The following CD99L2 variants were observed in gnomAD, a reference collection of about 807,000 sequenced individuals.
CD99L2 encodes the protein CD99 antigen-like protein 2.
CD99L2 carries 24 observed loss-of-function variants against 27.3 expected under a neutral mutation model. The ratio of observed to expected loss-of-function variants is 0.88; its 90% CI spans 0.64 to 1.24. The LOEUF (loss-of-function observed/expected upper bound fraction) is 1.24. CD99L2 is among the 50% of genes most tolerant of loss of function. The pLI is 0.00. For synonymous variants in CD99L2, 97 were observed against 87.9 expected (o/e 1.10, Z -0.58); for missense variants, 255 against 221.6 (o/e 1.15, Z -0.96).
intron 1 of CD99L2, among the ~76,000 whole-genome samples, chrX:150,860,912 C>T (rs1321697281): frequency 1.3e-4 from 14 of 109,615 alleles, no homozygotes; most frequent in African/African-American, 4.0e-4. Flanking sequence ...CTTTGGGAGG[C>T]GGGTGGATCA....
At chrX:150,824,399 GAAAGAAGAAGA>G (rs1425057911) in intron 2 of CD99L2, among the ~76,000 whole-genome samples, 13 of 93,326 alleles carry the variant, frequency 1.4e-4, no homozygotes, top group African/African-American at 3.6e-4. Flanking sequence ...AGAAGAAGAA[GAAAGAAGAAGA>G]AAAGAAGAAG....
At chrX:150,769,866 G>T (rs1305780150) in intron 10 of CD99L2, among the ~76,000 whole-genome samples, 3 of 113,229 alleles carry the variant, frequency 2.6e-5, no homozygotes, top group Admixed American at 9.3e-5. Flanking sequence ...CACAGAAGGG[G>T]GAGGGAGGGG....
At chrX:150,885,835 C>A (rs900012064) in intron 1 of CD99L2, among the ~76,000 whole-genome samples, 1 of 112,385 alleles carries the variant, frequency 8.9e-6, no homozygotes, top group African/African-American at 3.2e-5. Context: ...GCTCATTTTG[C>A]TGTTTATTCT....
intron 4 of CD99L2, among the ~76,000 whole-genome samples, chrX:150,801,835 G>T (rs1272377323): frequency 2.7e-5 from 3 of 111,187 alleles, no homozygotes; most frequent in Non-Finnish European, 5.7e-5. Flanking sequence ...CAATGGACAT[G>T]AAAAAATCTA....
At position 150,829,010 on chromosome X, in the gene CD99L2, A is replaced by C. The variant is rs1482865427; in HGVS notation, c.130+2221T>G. The C allele has an allele frequency of 4.5e-5, 5 of 111,046 alleles. No homozygotes were observed. The Admixed American group carries it at 4.8e-4, about 11-fold the overall frequency. The allele number at this position is 111,046 out of a possible 1,213,427, so 9.2% of individuals were successfully genotyped here. On this transcript the variant is annotated intron_variant, in intron 2 of 10. Coordinates refer to ENST00000370377, the MANE Select transcript of CD99L2 (RefSeq NM_031462.4). ...GGCAATACAGGTCATGGCCAAATCC[A>C]CACTACTGGAACGCTGGCTCCACAA... is the stretch of plus-strand genomic sequence containing the variant.
At chrX:150,871,445 T>C (rs781839842) in intron 1 of CD99L2, among the ~76,000 whole-genome samples, 29 of 111,521 alleles carry the variant, frequency 2.6e-4, no homozygotes, top group Non-Finnish European at 5.3e-4. Context: ...GTTGATAAGA[T>C]TGGAATGACA....
intron 6 of CD99L2, among the ~76,000 whole-genome samples, chrX:150,794,409 G>C (rs183260289): frequency 8.9e-6 from 1 of 111,892 alleles, no homozygotes; most frequent in Non-Finnish European, 1.9e-5. Flanking sequence ...CCTCAACTCC[G>C]GACCAAAGGA....
chrX:150,848,119 C>CCT (rs1557421508), intron 1 of CD99L2, among the ~76,000 whole-genome samples: 3 of 107,339 alleles, frequency 2.8e-5, no homozygotes, highest in Admixed American at 2.0e-4. Flanking sequence ...AGGCCCCCCC[C>CCT]CCCTTGTACT....
At position 150,768,415 on chromosome X, in the gene CD99L2, C is replaced by T. The variant is rs782745882; in HGVS notation, c.*619G>A. 1.1e-4 allele frequency: 12 copies of T among 112,942 alleles called. No homozygotes were observed. The highest frequency in any genetic ancestry group is 3.6e-4 in the South Asian group (1 of 2,764). The allele number at this position is 112,942 out of a possible 1,213,427, so 9.3% of individuals were successfully genotyped here. ...TTGTACTTAAATCACTGAAAGCCTCCGCTTGGACCGGCTCTCCGGAAGCCC... is the reference window on the plus strand; with the variant it reads ...TTGTACTTAAATCACTGAAAGCCTCTGCTTGGACCGGCTCTCCGGAAGCCC... On this transcript the variant is annotated 3_prime_UTR_variant, in exon 11 of 11. Coordinates refer to ENST00000370377, the MANE Select transcript of CD99L2 (RefSeq NM_031462.4).
At chrX:150,769,654 C>CG (rs2043382717) in intron 10 of CD99L2, among the ~76,000 whole-genome samples, 1 of 108,291 alleles carries the variant, frequency 9.2e-6, no homozygotes, top group South Asian at 3.7e-4. Context: ...CAACACTCGC[C>CG]TGAGCTGTCC....
At chrX:150,827,258 T>A (rs2046380922) in intron 2 of CD99L2, among the ~76,000 whole-genome samples, 1 of 110,433 alleles carries the variant, frequency 9.1e-6, no homozygotes, top group African/African-American at 3.3e-5. Flanking sequence ...CAAGGTGAGG[T>A]GGAGAGGCCT....
intron 1 of CD99L2, among the ~76,000 whole-genome samples, chrX:150,878,076 G>A (rs1557422373): frequency 4.6e-5 from 5 of 108,180 alleles, no homozygotes; most frequent in Non-Finnish European, 7.7e-5. Context: ...AGTGGCTCAC[G>A]CTTGTAATCC....
chrX:150,797,361 T>C (rs1434519440), intron 4 of CD99L2, among the ~76,000 whole-genome samples: 6 of 112,351 alleles, frequency 5.3e-5, no homozygotes, highest in African/African-American at 1.9e-4. Context: ...TGGAATAATA[T>C]GAACATTTTT....
At chrX:150,782,815 T>A (rs1398368680) in intron 7 of CD99L2, among the ~76,000 whole-genome samples, 1 of 111,030 alleles carries the variant, frequency 9.0e-6, no homozygotes, top group African/African-American at 3.3e-5. Flanking sequence ...ACCCTCCAAA[T>A]AACATCCTAT....
intron 7 of CD99L2, among the ~76,000 whole-genome samples, chrX:150,780,905 G>A (rs60170246): frequency 3.2e-3 from 355 of 112,605 alleles, no homozygotes; most frequent in African/African-American, 9.2e-3. Context: ...TTACTTACTA[G>A]TGGTGGAAAT....
chrX:150,801,568 C>T (rs1286530124), intron 4 of CD99L2, among the ~76,000 whole-genome samples: 2 of 110,300 alleles, frequency 1.8e-5, no homozygotes, highest in African/African-American at 6.6e-5. Flanking sequence ...GATTACAATT[C>T]GAGATGAGAT....
chrX:150,806,732 AAC>A (rs1273563939), intron 4 of CD99L2, among the ~76,000 whole-genome samples: 1 of 110,827 alleles, frequency 9.0e-6, no homozygotes, highest in Non-Finnish European at 1.9e-5. Flanking sequence ...CTCTACTAAA[AAC>A]ACAAAAATTA....
intron 9 of CD99L2, among the ~76,000 whole-genome samples, chrX:150,772,588 G>C (rs1412024423): frequency 8.8e-6 from 1 of 113,091 alleles, no homozygotes; most frequent in Non-Finnish European, 1.9e-5. Flanking sequence ...GGAAGCATAA[G>C]GGGGATCCAG....
intron 1 of CD99L2, among the ~76,000 whole-genome samples, chrX:150,883,062 C>T (rs1323918136): frequency 1.8e-5 from 2 of 111,606 alleles, no homozygotes; most frequent in East Asian, 5.7e-4. Flanking sequence ...CCCAGCTACT[C>T]GGGAGGCTGA....
Sources: allele counts gnomAD v4.1 joint callset (sites outside exome capture counted in the v4.1 genomes callset), GRCh38; gene constraint gnomAD v4.1.1; transcripts MANE v1.5; gene names NCBI Gene and HGNC (gene_info 2026-07-23, HGNC 2026-07-21).